Variants in GRXCR2 observed in about 807,000 individuals in gnomAD.
The protein encoded by GRXCR2 is glutaredoxin domain-containing cysteine-rich protein 2.
Under a neutral mutation model 24.8 loss-of-function variants are expected in GRXCR2, and 23 were observed. The ratio of observed to expected loss-of-function variants is 0.93; its 90% CI spans 0.67 to 1.32. The LOEUF (loss-of-function observed/expected upper bound fraction) is 1.32. Among genes scored for constraint, GRXCR2 ranks in the 40% most tolerant of loss-of-function variants. The pLI is 0.00. For missense variants in GRXCR2, 315 were observed against 303.4 expected (o/e 1.04, Z -0.28); for synonymous variants, 130 against 116.1 (o/e 1.12, Z -0.77).
intron 2 of GRXCR2, among the ~76,000 whole-genome samples, chr5:145,864,934 A>G (rs1044217324): frequency 9.2e-5 from 14 of 152,176 alleles, no homozygotes; most frequent in Non-Finnish European, 1.9e-4. Context: ...CTAGAGTCCC[A>G]GTTGCTTATG....
intron 2 of GRXCR2, among the ~76,000 whole-genome samples, chr5:145,891,378 T>C (rs1336901107): frequency 6.6e-6 from 1 of 152,128 alleles, no homozygotes; most frequent in Admixed American, 6.5e-5. Context: ...GAATTCCCTT[T>C]CCTAGTCAAA....
intron 2 of GRXCR2, among the ~76,000 whole-genome samples, chr5:145,930,955 T>C (rs1270791758): frequency 6.6e-6 from 1 of 152,242 alleles, no homozygotes; most frequent in Non-Finnish European, 1.5e-5. Context: ...AAGTGATCTA[T>C]CTGTCTATCT....
At chr5:145,924,908 G>A (rs1000636021) in intron 2 of GRXCR2, among the ~76,000 whole-genome samples, 21 of 152,128 alleles carry the variant, frequency 1.4e-4, no homozygotes, top group Admixed American at 5.9e-4. Context: ...GTCATGAAAT[G>A]GCCAAATCAG....
rs568114895 is a variant in GRXCR2, at chr5:145,871,009, T to G, written c.336+1624A>C. On this transcript the variant is annotated intron_variant, in intron 1 of 2. Transcript: ENST00000377976. ...TCCCTTGAGCCCAGGAGTTTGAGAT[T>G]GCTGTGAGTTATGATCATACCACTG... Among the ~76,000 whole-genome samples the G allele has an allele frequency of 5.3e-5, 8 of 152,206 alleles. No homozygotes were observed. In the East Asian group the frequency reaches 1.4e-3, roughly 26 times the overall value.
At chr5:145,884,615 A>C (rs2149916567) in intron 2 of GRXCR2, among the ~76,000 whole-genome samples, 1 of 147,740 alleles carries the variant, frequency 6.8e-6, no homozygotes, top group East Asian at 1.9e-4. Context: ...TATATGGTAC[A>C]CAAAGTAAAA....
chr5:145,874,695 C>G (rs989938852), upstream of GRXCR2, among the ~76,000 whole-genome samples: 1 of 152,236 alleles, frequency 6.6e-6, no homozygotes, highest in African/African-American at 2.4e-5. Flanking sequence ...GTGTCAGTCT[C>G]TTGCTGAAAA....
At chr5:145,880,041 G>A (rs1289814470) in intron 2 of GRXCR2, among the ~76,000 whole-genome samples, 1 of 152,182 alleles carries the variant, frequency 6.6e-6, no homozygotes, top group Non-Finnish European at 1.5e-5. Context: ...CACATTTAAA[G>A]CAGTGTGTAG....
chr5:145,891,345 C>A (rs569981543), intron 2 of GRXCR2, among the ~76,000 whole-genome samples: 1 of 152,250 alleles, frequency 6.6e-6, no homozygotes, highest in East Asian at 1.9e-4. Context: ...CATCACCTCA[C>A]CCAGGAAGTG....
chr5:145,925,635 G>A (rs1262984402), intron 2 of GRXCR2, among the ~76,000 whole-genome samples: 2 of 152,080 alleles, frequency 1.3e-5, no homozygotes, highest in Non-Finnish European at 2.9e-5. Context: ...ACAAATTAAT[G>A]ACACAGACAT....
chr5:145,930,812 C>T (rs184509616), intron 2 of GRXCR2, among the ~76,000 whole-genome samples: 2 of 152,290 alleles, frequency 1.3e-5, no homozygotes, highest in East Asian at 3.9e-4. Context: ...GATAAGAAGC[C>T]TACATCTATT....
Position 145,928,206 on chromosome 5 carries a change from C to T in GRXCR2, c.-70+7495G>A, listed in dbSNP as rs531172457. Among the ~76,000 whole-genome samples, 1,061 of 151,924 alleles carry T rather than the reference C, an allele frequency of 7.0e-3. 11 individuals carry two copies. The highest frequency in any genetic ancestry group is 0.023 in the African/African-American group (959 of 41,452). ...TGCAAATCAAAACCACAATGAGATA[C>T]CATCTCACACCAGTTAGAATGGCAA... On this transcript the variant is annotated intron_variant, in intron 2 of 3. Transcript: ENST00000639411.
At chr5:145,877,735 G>C (rs1223245639), upstream of GRXCR2, among the ~76,000 whole-genome samples, 1 of 152,218 alleles carries the variant, frequency 6.6e-6, no homozygotes, top group Admixed American at 6.5e-5. Context: ...AGCCCATGGA[G>C]GGTGAGCCAA....
intron 2 of GRXCR2, among the ~76,000 whole-genome samples, chr5:145,888,534 T>G (rs1053479589): frequency 3.9e-5 from 6 of 152,172 alleles, no homozygotes; most frequent in Admixed American, 1.3e-4. Context: ...GCCAAGGTTT[T>G]GGCACATATG....
intron 2 of GRXCR2, among the ~76,000 whole-genome samples, chr5:145,866,122 G>A (rs1452112152): frequency 2.2e-4 from 25 of 114,776 alleles, no homozygotes; most frequent in African/African-American, 7.4e-4. Flanking sequence ...CAAAAAGAGT[G>A]AAACTCCTTC....
intron 2 of GRXCR2, among the ~76,000 whole-genome samples, chr5:145,881,849 C>G (rs918047617): frequency 3.3e-5 from 5 of 152,076 alleles, no homozygotes; most frequent in African/African-American, 1.2e-4. Flanking sequence ...AGAACAGAGG[C>G]CTCAGAAATA....
intron 1 of GRXCR2, among the ~76,000 whole-genome samples, chr5:145,870,047 G>GATAT (rs1057070356): frequency 6.6e-6 from 1 of 151,202 alleles, no homozygotes; most frequent in African/African-American, 2.4e-5. Flanking sequence ...TTTTTAAAAA[G>GATAT]ATATATATAT....
chr5:145,896,060 G>A (rs1182412266), intron 2 of GRXCR2, among the ~76,000 whole-genome samples: 1 of 152,122 alleles, frequency 6.6e-6, no homozygotes, highest in African/African-American at 2.4e-5. Flanking sequence ...AAATGGTGCT[G>A]GGAAAACTGG....
At chr5:145,923,257 T>A (rs1581357226) in intron 2 of GRXCR2, among the ~76,000 whole-genome samples, 1 of 152,328 alleles carries the variant, frequency 6.6e-6, no homozygotes, top group African/African-American at 2.4e-5. Flanking sequence ...ATAATAAGTG[T>A]CATACCCTGA....
intron 2 of GRXCR2, among the ~76,000 whole-genome samples, chr5:145,910,810 G>C (rs1442879708): frequency 6.6e-6 from 1 of 151,374 alleles, no homozygotes; most frequent in Admixed American, 6.6e-5. Context: ...TAAAATCAAA[G>C]GGTAGATAAG....
Sources: allele counts gnomAD v4.1 joint callset (sites outside exome capture counted in the v4.1 genomes callset), GRCh38; gene constraint gnomAD v4.1.1; transcripts MANE v1.5; gene names NCBI Gene and HGNC (gene_info 2026-07-23, HGNC 2026-07-21).